The following DDX6 variants were observed in gnomAD, a reference collection of about 807,000 sequenced individuals.
The protein encoded by DDX6 is probable ATP-dependent RNA helicase DDX6.
In DDX6, 7 loss-of-function variants were observed where a neutral mutation model predicts 60.6. The ratio of observed to expected loss-of-function variants is 0.12; its 90% CI spans 0.07 to 0.22. The LOEUF (loss-of-function observed/expected upper bound fraction) is 0.22, where lower values mean the gene tolerates loss of function less well. DDX6 is among the 10% of genes least tolerant of loss of function. The pLI is 1.00. For missense variants in DDX6, 270 were observed against 589.9 expected, an observed-to-expected ratio of 0.46 and a Z score of 5.62; for synonymous variants, 207 against 201.0, an observed-to-expected ratio of 1.03 and a Z score of -0.25.
At chr11:118,768,013 G>A in intron 5 of DDX6, 1 of 505,016 alleles carries the variant, frequency 2.0e-6, no homozygotes, top group Non-Finnish European at 3.5e-6. Context: ...TATCATATAA[G>A]AATACTCTTA....
rs948874095 is a variant in DDX6 at position 118,755,304 on chromosome 11, C to G, written c.1276+98G>C. On this transcript the variant is annotated intron_variant, in intron 12 of 13. Transcript: ENST00000534980. ...TGAATTACTGTTAATTCACTGTTCT[C>G]ATAGCTACTGTACTCTATTTCACAA... The G allele has an allele frequency of 7.6e-5, 53 of 701,016 alleles. No homozygotes were observed. The African/African-American group carries it at 8.5e-4, about 11-fold the overall frequency. 43.4% of individuals were successfully genotyped at this position (701,016 alleles called of 1,614,324 possible).
rs782089328 is a variant in DDX6, at chr11:118,756,339, G to A, written c.1111-16C>T. 1.4e-5 allele frequency: 23 copies of A among 1,606,764 alleles called. No individual in the cohort carries two copies. In the South Asian group the frequency reaches 2.4e-4, roughly 17 times the overall value. ...TTCGATGTTCCTAGGAGAAAGCAAT[G>A]TATTCCATTTGATTAACACTCATAT... is the stretch of plus-strand genomic sequence containing the variant. On this transcript the variant is annotated splice_polypyrimidine_tract_variant and intron_variant, in intron 10 of 13. Transcript: ENST00000534980.
At chr11:118,790,150 G>T (rs1423241203) in intron 1 of DDX6, 1 of 152,068 alleles carries the variant, frequency 6.6e-6, no homozygotes, top group Non-Finnish European at 1.5e-5. Context: ...GAAGGGAAAT[G>T]GGGGCTGAGG....
chr11:118,775,956 C>T (rs1213757594), intron 4 of DDX6, among the ~76,000 whole-genome samples: 1 of 152,058 alleles, frequency 6.6e-6, no homozygotes, highest in Non-Finnish European at 1.5e-5. Flanking sequence ...CATGGCAAAA[C>T]CTTGACTCTA....
intron 4 of DDX6, among the ~76,000 whole-genome samples, chr11:118,770,352 G>C (rs1417124943): frequency 6.6e-6 from 1 of 152,098 alleles, no homozygotes; most frequent in African/African-American, 2.4e-5. Flanking sequence ...CTAAAACTAA[G>C]ATACTAGGAA....
intron 4 of DDX6, among the ~76,000 whole-genome samples, chr11:118,773,195 T>A (rs1183300195): frequency 6.6e-6 from 1 of 152,162 alleles, no homozygotes; most frequent in Non-Finnish European, 1.5e-5. Context: ...CAACAAAAGC[T>A]CAACATCACC....
chr11:118,750,045 G>A lies in DDX6; in HGVS notation c.*2060C>T, dbSNP rs1001906134. The A allele has an allele frequency of 1.3e-5, 2 of 152,440 alleles. No homozygotes were observed. The highest frequency in any genetic ancestry group is 2.9e-5 in the Non-Finnish European group (2 of 68,016). 9.4% of individuals were successfully genotyped at this position (152,440 alleles called of 1,614,324 possible). ...GTCGCAAATAGTTTGCTCAGAAGTA[G>A]GCAGAGTCAAAAAAGCAACTTCAAG... On this transcript the variant is annotated 3_prime_UTR_variant, in exon 14 of 14. Transcript: ENST00000534980.
At chr11:118,762,130 C>G (rs934747318) in intron 7 of DDX6, among the ~76,000 whole-genome samples, 1 of 151,708 alleles carries the variant, frequency 6.6e-6, no homozygotes, top group Non-Finnish European at 1.5e-5. Flanking sequence ...CAAGAATTAG[C>G]TGAGCGTGGG....
At position 118,750,005 on chromosome 11, in the gene DDX6, AG is replaced by A. The variant is rs1159424565; in HGVS notation, c.*2099del. ...GGCATCTGTAGGATTTTGATCTCCA[AG>A]GAATTGTGGGTGAGTCGCAAATAGT... On this transcript the variant is annotated 3_prime_UTR_variant, in exon 14 of 14. Transcript: ENST00000534980. The A allele has an allele frequency of 6.6e-6, 1 of 152,626 alleles. No individual in the cohort carries two copies. Among genetic ancestry groups the A allele is most frequent in the Admixed American group, 6.6e-5 (1 of 15,264 alleles). The allele number at this position is 152,626 out of a possible 1,614,324, so 9.5% of individuals were successfully genotyped here.
chr11:118,756,024 C>CT (rs1417778038), intron 11 of DDX6, among the ~76,000 whole-genome samples: 1 of 129,872 alleles, frequency 7.7e-6, no homozygotes. Flanking sequence ...CCTCCCCCCC[C>CT]CCCCCAAAAA....
At chr11:118,755,637 C>T in intron 11 of DDX6, 134 bp from the exon 12 acceptor site, 4 of 583,444 alleles carry the variant, frequency 6.9e-6, no homozygotes, top group Non-Finnish European at 1.2e-5. Context: ...ACATTACTGG[C>T]ATTACCTTTC....
chr11:118,777,898 A>G (rs1442045347), intron 4 of DDX6, among the ~76,000 whole-genome samples: 3 of 23,876 alleles, frequency 1.3e-4, no homozygotes, highest in Non-Finnish European at 3.3e-4. Context: ...CAAAAAAGAG[A>G]AAAAAAAAAA....
Position 118,750,483 on chromosome 11 carries a change from T to C in DDX6, c.*1622A>G. On this transcript the variant is annotated 3_prime_UTR_variant, in exon 14 of 14. Transcript: ENST00000534980. ...AGCATGAAAGTTAACAGCTCTCAGG[T>C]TGCCCATTCCTGCAAAAGTTTATGT... 6.6e-6 allele frequency: 1 copy of C among 152,182 alleles called. No homozygotes were observed. The highest frequency in any genetic ancestry group is 1.9e-4 in the East Asian group (1 of 5,200). 9.4% of individuals were successfully genotyped at this position (152,182 alleles called of 1,614,324 possible). A position where few individuals can be genotyped will look rare whatever the true frequency, so the allele number is the denominator to read the frequency against.
At chr11:118,783,481 A>G (rs1467858493) in intron 2 of DDX6, among the ~76,000 whole-genome samples, 6 of 152,168 alleles carry the variant, frequency 3.9e-5, no homozygotes. Context: ...GAGCCATCAT[A>G]TCCAGCCCCA....
rs1224985150 is a variant in DDX6, at chr11:118,748,182, C to G, written c.*3923G>C. 6.6e-6 allele frequency: 1 copy of G among 152,172 alleles called. No homozygotes were observed. The highest frequency in any genetic ancestry group is 1.5e-5 in the Non-Finnish European group (1 of 68,034). 9.4% of individuals were successfully genotyped at this position (152,172 alleles called of 1,614,324 possible). On this transcript the variant is annotated 3_prime_UTR_variant, in exon 14 of 14. Coordinates refer to ENST00000534980, the MANE Select transcript of DDX6 (RefSeq NM_004397.6). ...TATCTTAATAACCCAGCCCTACCCC[C>G]TCCCTTACCCAGCATTGTCTACTGG...
At chr11:118,789,424 ATTCT>A (rs1014989438) in intron 1 of DDX6, 1 of 152,132 alleles carries the variant, frequency 6.6e-6, no homozygotes, top group Non-Finnish European at 1.5e-5. Flanking sequence ...ACGAGTGCTG[ATTCT>A]TTCTGCCATA....
intron 9 of DDX6, 139 bp from the exon 10 acceptor site, chr11:118,757,426 TAAATTGTAA>T (rs1308288457): frequency 2.4e-5 from 12 of 493,154 alleles, no homozygotes; most frequent in Admixed American, 4.1e-5. Context: ...AGAGAGATGG[TAAATTGTAA>T]AAATTGTAAA....
At chr11:118,756,183 C>T in intron 11 of DDX6, 77 bp downstream of exon 11, 3 of 1,147,328 alleles carry the variant, frequency 2.6e-6, no homozygotes, top group Non-Finnish European at 3.9e-6. Context: ...ACAGGTTGCA[C>T]TATGTAATAT....
intron 2 of DDX6, among the ~76,000 whole-genome samples, chr11:118,783,190 G>C (rs962624424): frequency 6.6e-6 from 1 of 152,104 alleles, no homozygotes; most frequent in East Asian, 1.9e-4. Context: ...AATGAGATTT[G>C]AAGAACCGCA....
Sources: allele counts gnomAD v4.1 joint callset (sites outside exome capture counted in the v4.1 genomes callset), GRCh38; gene constraint gnomAD v4.1.1; transcripts MANE v1.5; gene names NCBI Gene and HGNC (gene_info 2026-07-23, HGNC 2026-07-21).